Variants in HTRA1 observed in about 807,000 individuals in gnomAD.
HTRA1 encodes HtrA serine peptidase 1.
In HTRA1, 26 loss-of-function variants were observed where a neutral mutation model predicts 49.7. That is an observed-to-expected ratio of 0.52 (90% CI 0.38 to 0.73). The LOEUF is 0.73. Among genes scored for constraint, HTRA1 ranks in the 30% least tolerant of loss-of-function variants. HTRA1 has a pLI of 0.00. For missense variants in HTRA1, 561 were observed against 667.2 expected, an observed-to-expected ratio of 0.84 and a Z score of 1.75; for synonymous variants, 291 against 286.9, an observed-to-expected ratio of 1.01 and a Z score of -0.14.
intron 1 of HTRA1, among the ~76,000 whole-genome samples, chr10:122,472,944 A>G (rs931388599): frequency 2.0e-5 from 3 of 152,196 alleles, no homozygotes; most frequent in Non-Finnish European, 4.4e-5. Flanking sequence ...GGTTGTAGCC[A>G]TATTTGTTGC....
chr10:122,491,161 G>C (rs995810272), intron 3 of HTRA1, among the ~76,000 whole-genome samples: 23 of 152,220 alleles, frequency 1.5e-4, no homozygotes, highest in African/African-American at 5.3e-4. Flanking sequence ...CATAATAGCT[G>C]TGTTATCCCC....
intron 3 of HTRA1, among the ~76,000 whole-genome samples, chr10:122,497,145 C>G (rs1474602363): frequency 6.6e-6 from 1 of 152,184 alleles, no homozygotes; most frequent in African/African-American, 2.4e-5. Flanking sequence ...TGCGAATTAA[C>G]AGTTCCTTTG....
intron 3 of HTRA1, among the ~76,000 whole-genome samples, chr10:122,503,393 G>A (rs1402234495): frequency 6.6e-6 from 1 of 152,236 alleles, no homozygotes; most frequent in African/African-American, 2.4e-5. Flanking sequence ...ATCTGGCTTT[G>A]GAATGAGCTG....
intron 6 of HTRA1, among the ~76,000 whole-genome samples, chr10:122,509,322 A>T (rs1195349646): frequency 3.9e-5 from 6 of 152,234 alleles, no homozygotes; most frequent in Non-Finnish European, 8.8e-5. Context: ...AAAACGGATC[A>T]GGGTGGCCGT....
intron 3 of HTRA1, among the ~76,000 whole-genome samples, chr10:122,496,228 CTTTTTTTTTT>C (rs71026021): frequency 2.6e-5 from 2 of 75,646 alleles, no homozygotes; most frequent in African/African-American, 1.1e-4. Context: ...ATTGTGGGTT[CTTTTTTTTTT>C]TTTTTTTTTT....
At chr10:122,474,478 G>A (rs1565412827) in intron 1 of HTRA1, among the ~76,000 whole-genome samples, 1 of 152,092 alleles carries the variant, frequency 6.6e-6, no homozygotes, top group Non-Finnish European at 1.5e-5. Context: ...CCCTCCTCCT[G>A]CACCAGGGGG....
chr10:122,501,777 G>A (rs1181433948), intron 3 of HTRA1, among the ~76,000 whole-genome samples: 2 of 152,098 alleles, frequency 1.3e-5, no homozygotes, highest in African/African-American at 2.4e-5. Flanking sequence ...CATGGACACA[G>A]TCACGTCTTG....
chr10:122,506,619 C>T lies in HTRA1; in HGVS notation c.778-72C>T. On this transcript the variant is annotated intron_variant, in intron 3 of 8. Transcript: ENST00000368984. The surrounding 1 kb of genome is among the most constrained non-coding windows in gnomAD (Gnocchi z 5.2). Reference sequence around the variant, plus strand: ...CCCGTCACTGTCCCTGCTTGGTTTTCCATGATATCTGTGCCTTTACCTATT... The same window carrying T: ...CCCGTCACTGTCCCTGCTTGGTTTTTCATGATATCTGTGCCTTTACCTATT... 1 of 1,379,224 alleles carries T rather than the reference C, an allele frequency of 7.3e-7. No individual in the cohort carries two copies. The highest frequency in any genetic ancestry group is 1.7e-5 in the Admixed American group (1 of 59,730). 85.4% of individuals were successfully genotyped at this position (1,379,224 alleles called of 1,614,324 possible). A position where few individuals can be genotyped will look rare whatever the true frequency, so the allele number is the denominator to read the frequency against.
intron 1 of HTRA1, among the ~76,000 whole-genome samples, chr10:122,486,487 C>T (rs111914813): frequency 0.017 from 2,585 of 152,248 alleles, 31 homozygotes; most frequent in Middle Eastern, 0.051. Flanking sequence ...GGACAGAAAA[C>T]GGCCCTTTGT....
intron 1 of HTRA1, among the ~76,000 whole-genome samples, chr10:122,474,690 A>T (rs778863610): frequency 2.6e-5 from 4 of 152,188 alleles, no homozygotes; most frequent in Non-Finnish European, 5.9e-5. Context: ...GTTTTTGTGA[A>T]CCGAGCAGTC....
chr10:122,489,995 G>A (rs968991892), intron 3 of HTRA1, among the ~76,000 whole-genome samples: 4 of 152,062 alleles, frequency 2.6e-5, no homozygotes, highest in Non-Finnish European at 5.9e-5. Flanking sequence ...TACATCATGC[G>A]TTCACAATGA....
At chr10:122,479,711 T>C (rs1370494412) in intron 1 of HTRA1, among the ~76,000 whole-genome samples, 1 of 150,548 alleles carries the variant, frequency 6.6e-6, no homozygotes, top group Non-Finnish European at 1.5e-5. Context: ...AGGGTGGGAG[T>C]TGTGCATTAA....
At chr10:122,481,929 C>T (rs1361259010) in intron 1 of HTRA1, among the ~76,000 whole-genome samples, 7 of 152,094 alleles carry the variant, frequency 4.6e-5, no homozygotes, top group Admixed American at 1.3e-4. Context: ...TCCCCAGCCA[C>T]GTGGAACTGG....
intron 5 of HTRA1, 114 bp downstream of exon 5, chr10:122,507,516 A>G: frequency 1.2e-6 from 1 of 822,072 alleles, no homozygotes. Context: ...TTTCAAACAT[A>G]AGGTTGCCAA....
chr10:122,489,128 G>C, intron 2 of HTRA1, 127 bp downstream of exon 2: 1 of 765,440 alleles, frequency 1.3e-6, no homozygotes, highest in Admixed American at 2.0e-5. Context: ...CTTAAGATAA[G>C]TGTGTCTCCC....
At chr10:122,477,857 C>T (rs2097489339) in intron 1 of HTRA1, among the ~76,000 whole-genome samples, 1 of 152,196 alleles carries the variant, frequency 6.6e-6, no homozygotes, top group Non-Finnish European at 1.5e-5. Context: ...CTGCATGATG[C>T]ATTTTATGCT....
chr10:122,469,757 G>C (rs1310216353), intron 1 of HTRA1, among the ~76,000 whole-genome samples: 1 of 152,198 alleles, frequency 6.6e-6, no homozygotes, highest in Non-Finnish European at 1.5e-5. Context: ...GCCAGCCAGT[G>C]CAAGGAGGCA....
chr10:122,461,594 G>T lies in HTRA1; in HGVS notation c.-59G>T. ...CCCGAGGCCCTCCTGCACTCTCCCCGGCGCCGCTCTCCGGCCCTCGCCCTG... is the reference window on the plus strand; with the variant it reads ...CCCGAGGCCCTCCTGCACTCTCCCCTGCGCCGCTCTCCGGCCCTCGCCCTG... On this transcript the variant is annotated 5_prime_UTR_variant, in exon 1 of 9. Coordinates refer to ENST00000368984, the MANE Select transcript of HTRA1 (RefSeq NM_002775.5). The T allele has an allele frequency of 8.8e-7, 1 of 1,129,990 alleles. No individual in the cohort carries two copies. The highest frequency in any genetic ancestry group is 2.9e-5 in the Admixed American group (1 of 33,910). The allele number at this position is 1,129,990 out of a possible 1,614,324, so 70.0% of individuals were successfully genotyped here.
chr10:122,463,783 C>T (rs913860382), intron 1 of HTRA1, among the ~76,000 whole-genome samples: 1 of 152,236 alleles, frequency 6.6e-6, no homozygotes, highest in East Asian at 1.9e-4. Context: ...CACTTAACTC[C>T]AAGGGTGTGG....
Sources: gnomAD v4.1 joint callset for allele counts (sites outside exome capture counted in the v4.1 genomes callset) on GRCh38, gnomAD v4.1.1 for gene constraint, Gnocchi (gnomAD v3.1) non-coding constraint, MANE v1.5 for transcripts, NCBI Gene and HGNC (gene_info 2026-07-23, HGNC 2026-07-21) for gene names.